PCBP4: variants seen among roughly 807,000 people sequenced by gnomAD.
The protein encoded by PCBP4 is poly(rC)-binding protein 4.
A neutral mutation model predicts 46.2 loss-of-function variants in PCBP4; 24 were observed. The ratio of observed to expected loss-of-function variants is 0.52; its 90% CI spans 0.38 to 0.73. The LOEUF is 0.73. Ranked by LOEUF, PCBP4 falls within the 30% of genes least tolerant of loss-of-function variation. PCBP4 has a pLI of 0.00. For missense variants in PCBP4, 407 were observed against 537.0 expected, an observed-to-expected ratio of 0.76 and a Z score of 2.39; for synonymous variants, 203 against 224.4, an observed-to-expected ratio of 0.90 and a Z score of 0.85.
chr3:51,960,874 G>A lies in PCBP4; in HGVS notation c.130C>T (p.Arg44Trp). The change falls in exon 5 of 14, where the codon CGG becomes TGG. Residue 44 changes from arginine (R) to tryptophan (W), a missense_variant. Arg to Trp is a moderately radical substitution (Grantham distance 101). Coordinates refer to ENST00000461554, the MANE Select transcript of PCBP4 (RefSeq NM_001174100.2). This position sits in a 1 kb window ranked among gnomAD's most constrained non-coding sequence, Gnocchi z 5.0. ...CCAAACTCCATCCTCACCTGCTCCC[G>A]GATTCGCTTTACAGTCTCGCCCTTC... ...GKKGETVKRIREQSSARITIS... is the reference protein window; with the variant it reads ...GKKGETVKRIWEQSSARITIS... 1.9e-6 allele frequency: 3 copies of A among 1,613,992 alleles called. No individual in the cohort carries two copies. The highest frequency in any genetic ancestry group is 2.5e-6 in the Non-Finnish European group (3 of 1,180,008).
chr3:51,961,146 C>T lies in PCBP4; in HGVS notation c.81+14G>A, dbSNP rs1340651495. The T allele has an allele frequency of 6.2e-7, 1 of 1,613,850 alleles. No homozygotes were observed. Among genetic ancestry groups the T allele is most frequent in the Non-Finnish European group, 8.5e-7 (1 of 1,179,996 alleles). On this transcript the variant is annotated intron_variant, in intron 3 of 13. Transcript: ENST00000461554. ...CCCAGCCTTGCCTCGCCTGGCCCTC[C>T]ACCTCCCGCTCACCTTCCCGTGCAT...
In PCBP4 at chr3:51,960,470, AGTTGG is replaced by A; in HGVS notation, c.255+51_255+55del. 4.5e-6 allele frequency: 7 copies of A among 1,559,306 alleles called. No homozygotes were observed. The highest frequency in any genetic ancestry group is 5.3e-6 in the Non-Finnish European group (6 of 1,130,974). On this transcript the variant is annotated intron_variant, in intron 6 of 13. Transcript: ENST00000461554. This position sits in a 1 kb window ranked among gnomAD's most constrained non-coding sequence, Gnocchi z 5.0. ...ACCCATAGCCACTATCTGGAGTCAG[AGTTGG>A]GTTCCTCCTGGGGAACCACTCTTGG...
At chr3:51,961,746 T>C in intron 2 of PCBP4, 195 bp downstream of exon 2, 5 of 992,276 alleles carry the variant, frequency 5.0e-6, no homozygotes, top group Non-Finnish European at 6.0e-6. Context: ...GCTGAAAGCT[T>C]ACTCCATATG....
At chr3:51,961,678 T>C in intron 2 of PCBP4, 1 of 857,168 alleles carries the variant, frequency 1.2e-6, no homozygotes. Flanking sequence ...GAGAGCCTCC[T>C]CCCTGACCTC....
chr3:51,962,257 G>C (rs183607529), intron 1 of PCBP4, among the ~76,000 whole-genome samples, 169 bp from the exon 2 acceptor site: 1 of 152,160 alleles, frequency 6.6e-6, no homozygotes, highest in African/African-American at 2.4e-5. Flanking sequence ...AAAGGATTTG[G>C]TGGGCTGCGG....
chr3:51,961,272 T>C lies in PCBP4; in HGVS notation c.-32A>G. On this transcript the variant is annotated 5_prime_UTR_variant, in exon 3 of 14. Coordinates refer to ENST00000461554, the MANE Select transcript of PCBP4 (RefSeq NM_001174100.2). ...AGGCGAGGCTGGGGCCACAGCGACC[T>C]GCGAGTGTGTCCGCGCTGCAACCTG... The C allele has an allele frequency of 6.2e-7, 1 of 1,604,118 alleles. No homozygotes were observed. Among genetic ancestry groups the C allele is most frequent in the South Asian group, 1.1e-5 (1 of 90,358 alleles).
chr3:51,965,882 A>C (rs1471568541), intron 1 of PCBP4, among the ~76,000 whole-genome samples: 1 of 149,006 alleles, frequency 6.7e-6, no homozygotes, highest in Non-Finnish European at 1.5e-5. Context: ...GTGGGAGCAG[A>C]GTGGGTCTCC....
intron 1 of PCBP4, among the ~76,000 whole-genome samples, chr3:51,966,005 C>T (rs890534688): frequency 1.4e-4 from 22 of 152,166 alleles, no homozygotes; most frequent in African/African-American, 5.1e-4. Flanking sequence ...AAGAGGGGCT[C>T]GCGGCCCAGA....
At chr3:51,964,407 A>G (rs528859406) in intron 1 of PCBP4, among the ~76,000 whole-genome samples, 6 of 152,284 alleles carry the variant, frequency 3.9e-5, no homozygotes, top group African/African-American at 1.4e-4. Flanking sequence ...AGGCGATTCA[A>G]GTAGACTGGC....
chr3:51,964,307 C>G (rs983008075), intron 1 of PCBP4, among the ~76,000 whole-genome samples: 1 of 152,226 alleles, frequency 6.6e-6, no homozygotes, highest in African/African-American at 2.4e-5. Flanking sequence ...GGGGGCTTAG[C>G]CAGCTCACCC....
At chr3:51,961,792 G>C (rs1375368158) in intron 2 of PCBP4, 149 bp downstream of exon 2, 1 of 986,222 alleles carries the variant, frequency 1.0e-6, no homozygotes, top group African/African-American at 1.7e-5. Flanking sequence ...ATGGTGGATG[G>C]AGCACAGAAG....
At chr3:51,967,095 C>A (rs866976378) in intron 1 of PCBP4, among the ~76,000 whole-genome samples, 12 of 152,160 alleles carry the variant, frequency 7.9e-5, no homozygotes, top group Admixed American at 3.3e-4. Flanking sequence ...GGGATGGGGG[C>A]CTCAAATCTG....
At chr3:51,961,827 A>T in intron 2 of PCBP4, 114 bp downstream of exon 2, 1 of 904,620 alleles carries the variant, frequency 1.1e-6, no homozygotes, top group Non-Finnish European at 1.3e-6. Context: ...AAGCTGGAGC[A>T]GCCATGGGAA....
chr3:51,960,466 T>A lies in PCBP4; in HGVS notation c.255+60A>T. On this transcript the variant is annotated intron_variant, in intron 6 of 13. Transcript: ENST00000461554. This position sits in a 1 kb window ranked among gnomAD's most constrained non-coding sequence, Gnocchi z 5.0. ...TCCCACCCATAGCCACTATCTGGAG[T>A]CAGAGTTGGGTTCCTCCTGGGGAAC... 1 of 1,556,760 alleles carries A rather than the reference T, an allele frequency of 6.4e-7. No individual in the cohort carries two copies. The highest frequency in any genetic ancestry group is 8.9e-7 in the Non-Finnish European group (1 of 1,128,708).
At chr3:51,967,136 TGCCAAG>T in intron 1 of PCBP4, among the ~76,000 whole-genome samples, 184 bp downstream of exon 1, 1 of 152,100 alleles carries the variant, frequency 6.6e-6, no homozygotes, top group East Asian at 1.9e-4. Flanking sequence ...CCCTCCCTGG[TGCCAAG>T]GGCGCCTCTG....
At chr3:51,964,795 C>A (rs1700340907) in intron 1 of PCBP4, among the ~76,000 whole-genome samples, 1 of 152,262 alleles carries the variant, frequency 6.6e-6, no homozygotes, top group Non-Finnish European at 1.5e-5. Context: ...TGCCCAGCCT[C>A]TTGGCCTCCC....
chr3:51,963,483 A>C (rs543146433), intron 1 of PCBP4, among the ~76,000 whole-genome samples: 15 of 152,158 alleles, frequency 9.9e-5, no homozygotes, highest in African/African-American at 3.6e-4. Context: ...CCTCGGTCTT[A>C]AGTTCCAAAA....
Position 51,958,714 on chromosome 3 carries a change from C to T in PCBP4, c.923+76G>A. The T allele has an allele frequency of 6.6e-7, 1 of 1,513,924 alleles. No homozygotes were observed. Among genetic ancestry groups the T allele is most frequent in the Non-Finnish European group, 8.9e-7 (1 of 1,120,036 alleles). 93.8% of individuals were successfully genotyped at this position (1,513,924 alleles called of 1,614,324 possible). Reference sequence around the variant, plus strand: ...CAGACAGAGAGAGGAGGCCAGCTTCCTCTCCCCACCCCTGCCTTTCTTGGG... The same window carrying T: ...CAGACAGAGAGAGGAGGCCAGCTTCTTCTCCCCACCCCTGCCTTTCTTGGG... On this transcript the variant is annotated intron_variant, in intron 13 of 13. Transcript: ENST00000461554. This position sits in a 1 kb window ranked among gnomAD's most constrained non-coding sequence, Gnocchi z 5.4.
chr3:51,961,816 G>C (rs894059267), intron 2 of PCBP4, 125 bp downstream of exon 2: 1 of 965,738 alleles, frequency 1.0e-6, no homozygotes, highest in Admixed American at 6.1e-5. Context: ...AGCTGGGGAG[G>C]AAGCTGGAGC....
Sources: allele counts gnomAD v4.1 joint callset (sites outside exome capture counted in the v4.1 genomes callset), GRCh38; gene constraint gnomAD v4.1.1; non-coding constraint Gnocchi (gnomAD v3.1); transcripts MANE v1.5; gene names NCBI Gene and HGNC (gene_info 2026-07-23, HGNC 2026-07-21).